Variants in PLEKHH2 observed in about 807,000 individuals in gnomAD.
PLEKHH2 encodes pleckstrin homology domain-containing family H member 2.
In PLEKHH2, 129 loss-of-function variants were observed where a neutral mutation model predicts 187.9. That is an observed-to-expected ratio of 0.69 (90% CI 0.59 to 0.79). The LOEUF (loss-of-function observed/expected upper bound fraction) is 0.79. PLEKHH2 is among the 30% of genes least tolerant of loss of function. PLEKHH2 has a pLI of 0.00. For synonymous variants in PLEKHH2, 686 were observed against 605.6 expected (o/e 1.13, Z -1.95); for missense variants, 2,076 against 1,751.2 (o/e 1.19, Z -3.31).
At chr2:43,719,090 G>A (rs537928299) in intron 15 of PLEKHH2, among the ~76,000 whole-genome samples, 2 of 152,144 alleles carry the variant, frequency 1.3e-5, no homozygotes, top group Admixed American at 6.5e-5. Flanking sequence ...CAACAGCCCA[G>A]TTGTGAGCCT....
At chr2:43,656,410 A>G (rs1666762678) in intron 2 of PLEKHH2, among the ~76,000 whole-genome samples, 1 of 151,868 alleles carries the variant, frequency 6.6e-6, no homozygotes, top group Admixed American at 6.6e-5. Context: ...AAGCTGAGAC[A>G]CTGAATTTCT....
intron 19 of PLEKHH2, 92 bp from the exon 20 acceptor site, chr2:43,738,249 A>G: frequency 3.6e-6 from 4 of 1,125,044 alleles, no homozygotes; most frequent in Non-Finnish European, 4.9e-6. Context: ...ATTTTAAACA[A>G]AAACTACTGC....
intron 10 of PLEKHH2, 129 bp from the exon 11 acceptor site, chr2:43,707,272 C>T: frequency 1.1e-6 from 1 of 933,876 alleles, no homozygotes; most frequent in South Asian, 1.7e-5. Flanking sequence ...AGAGTGATAA[C>T]CTTAGGGATG....
At chr2:43,689,499 A>T (rs1374777487) in intron 3 of PLEKHH2, among the ~76,000 whole-genome samples, 1 of 152,112 alleles carries the variant, frequency 6.6e-6, no homozygotes, top group Admixed American at 6.5e-5. Context: ...CAAGTGAGCT[A>T]TTTTCCATAT....
At chr2:43,704,521 G>T (rs1461424740) in intron 9 of PLEKHH2, among the ~76,000 whole-genome samples, 1 of 151,868 alleles carries the variant, frequency 6.6e-6, no homozygotes, top group Non-Finnish European at 1.5e-5. Context: ...AAATTAGCCG[G>T]GCGTGGTGGC....
chr2:43,743,673 T>C (rs1671663000), intron 22 of PLEKHH2, among the ~76,000 whole-genome samples, 161 bp from the exon 23 acceptor site: 1 of 152,210 alleles, frequency 6.6e-6, no homozygotes, highest in African/African-American at 2.4e-5. Context: ...GAGGTAACTT[T>C]GTTAATTTTC....
chr2:43,651,076 T>A (rs1666447078), intron 2 of PLEKHH2, among the ~76,000 whole-genome samples: 1 of 152,238 alleles, frequency 6.6e-6, no homozygotes, highest in Non-Finnish European at 1.5e-5. Context: ...TAATATAGAT[T>A]GTGAAAATGT....
intron 23 of PLEKHH2, among the ~76,000 whole-genome samples, chr2:43,744,973 T>C (rs953146971): frequency 2.6e-5 from 4 of 151,546 alleles, no homozygotes; most frequent in Non-Finnish European, 4.4e-5. Context: ...TTCCAGATCA[T>C]AGTAAAATAA....
At chr2:43,653,100 T>C (rs954164396) in intron 2 of PLEKHH2, among the ~76,000 whole-genome samples, 2 of 152,018 alleles carry the variant, frequency 1.3e-5, no homozygotes, top group Admixed American at 1.3e-4. Flanking sequence ...ATCCAAGTAA[T>C]AGGAAGACTG....
chr2:43,753,508 C>T (rs1672085944), intron 24 of PLEKHH2, 111 bp from the exon 25 acceptor site: 2 of 741,566 alleles, frequency 2.7e-6, no homozygotes, highest in East Asian at 3.2e-5. Context: ...AAGTTCATAC[C>T]ACTTAGAGTA....
chr2:43,758,514 A>G (rs1672304758), intron 26 of PLEKHH2, among the ~76,000 whole-genome samples: 1 of 152,200 alleles, frequency 6.6e-6, no homozygotes, highest in East Asian at 1.9e-4. Context: ...CGGCCTCCCA[A>G]CGTGCTGGGA....
Position 43,757,125 on chromosome 2 carries a change from AT to A in PLEKHH2, c.3804del (p.Ile1268MetfsTer21). ...EMAALLSQVE[I>X]GDFERPFSTP... The stretch of plus-strand genomic sequence containing the variant: ...TTTGTGGATTTCCAATTAGGTAGAG[AT>A]TGGAGATTTTGAAAGACCTTTCTCA... On this transcript the variant is annotated frameshift_variant, in exon 26 of 30. Transcript: ENST00000282406. LOFTEE classifies it high-confidence loss of function. 4 of 1,578,540 alleles carry A rather than the reference AT, an allele frequency of 2.5e-6. No individual in the cohort carries two copies. Among genetic ancestry groups the A allele is most frequent in the Non-Finnish European group, 3.4e-6 (4 of 1,166,966 alleles).
chr2:43,753,885 A>C, intron 25 of PLEKHH2, 125 bp downstream of exon 25: 1 of 792,570 alleles, frequency 1.3e-6, no homozygotes, highest in Non-Finnish European at 1.8e-6. Context: ...TTAGCACCTT[A>C]AAAATTACAG....
intron 19 of PLEKHH2, among the ~76,000 whole-genome samples, chr2:43,735,856 A>T (rs1045083290): frequency 6.6e-6 from 1 of 152,208 alleles, no homozygotes; most frequent in Non-Finnish European, 1.5e-5. Flanking sequence ...GATGCCGAAA[A>T]GGCATTTGAC....
rs376851824 is a variant in PLEKHH2 at position 43,710,584 on chromosome 2, CTTTTTT to C, written c.2301+28_2301+33del. 2,286 of 1,240,952 alleles carry C rather than the reference CTTTTTT, an allele frequency of 1.8e-3. 1 individual carries two copies. Among genetic ancestry groups the C allele is most frequent in the African/African-American group, 5.5e-3 (298 of 53,906 alleles). 76.9% of individuals were successfully genotyped at this position (1,240,952 alleles called of 1,614,324 possible). On this transcript the variant is annotated intron_variant, in intron 14 of 29. Coordinates refer to ENST00000282406, the MANE Select transcript of PLEKHH2 (RefSeq NM_172069.4). Reference sequence around the variant, plus strand: ...ACAAACAAACAGTTCAGGTACTTAACTTTTTTTTTTTTTTTTTTTTTTTTGTATCAT... The same window carrying C: ...ACAAACAAACAGTTCAGGTACTTAACTTTTTTTTTTTTTTTTTTGTATCAT...
Position 43,740,960 on chromosome 2 carries a change from G to T in PLEKHH2, c.3138G>T (p.Leu1046Phe). ...QPGPLQGWQLLALCVGLFLPH... is the reference protein window; with the variant it reads ...QPGPLQGWQLFALCVGLFLPH... ...TCCCTGCCCAGGGCTGGCAGCTCTT[G>T]GCACTCTGCGTTGGGCTCTTCCTTC... Residue 1046 changes from leucine (L) to phenylalanine (F), a missense_variant, in exon 21 of 30, where the codon TTG (leucine) becomes TTT (phenylalanine). By Grantham distance (22) the Leu-to-Phe change is conservative. Transcript: ENST00000282406. The T allele has an allele frequency of 6.2e-7, 1 of 1,613,866 alleles. No homozygotes were observed.
chr2:43,651,148 CATTCATT>C (rs1666450222), intron 2 of PLEKHH2, among the ~76,000 whole-genome samples: 1 of 31,402 alleles, frequency 3.2e-5, no homozygotes, highest in African/African-American at 1.2e-4. Context: ...AAAATCTTTT[CATTCATT>C]CATTCATTCA....
intron 17 of PLEKHH2, among the ~76,000 whole-genome samples, chr2:43,728,720 C>G (rs1396586417): frequency 6.6e-6 from 1 of 151,492 alleles, no homozygotes; most frequent in Non-Finnish European, 1.5e-5. Flanking sequence ...CACCACCATG[C>G]CCAGCTAATT....
intron 2 of PLEKHH2, among the ~76,000 whole-genome samples, chr2:43,650,246 C>T (rs1375162635): frequency 6.7e-6 from 1 of 149,270 alleles, no homozygotes; most frequent in Non-Finnish European, 1.5e-5. Flanking sequence ...GATCCTCCTG[C>T]CTCAGCCTCC....
Sources: allele counts gnomAD v4.1 joint callset (sites outside exome capture counted in the v4.1 genomes callset), GRCh38; gene constraint gnomAD v4.1.1; transcripts MANE v1.5; gene names NCBI Gene and HGNC (gene_info 2026-07-23, HGNC 2026-07-21).